TECRL: variants seen among roughly 807,000 people sequenced by gnomAD.
TECRL encodes the protein trans-2,3-enoyl-CoA reductase-like.
In TECRL, 63 loss-of-function variants were observed where a neutral mutation model predicts 52.8. The observed-to-expected ratio is 1.19, with a 90% CI of 0.97 to 1.47. The LOEUF (loss-of-function observed/expected upper bound fraction) is 1.47, where lower values mean the gene tolerates loss of function less well. Among genes scored for constraint, TECRL ranks in the 40% most tolerant of loss-of-function variants. The pLI is 0.00. For synonymous variants in TECRL, 164 were observed against 141.9 expected (o/e 1.16, Z -1.10); for missense variants, 482 against 429.6 (o/e 1.12, Z -1.08).
intron 7 of TECRL, among the ~76,000 whole-genome samples, chr4:64,300,808 A>G (rs926731980): frequency 1.3e-5 from 2 of 151,004 alleles, no homozygotes; most frequent in African/African-American, 2.4e-5. Context: ...AAGATTTCTC[A>G]ATAGTATTAA....
At position 64,278,519 on chromosome 4, in the gene TECRL, A is replaced by G. The variant is rs1305995688; in HGVS notation, c.*1553T>C. 1 of 203,500 alleles carries G rather than the reference A, an allele frequency of 4.9e-6. No homozygotes were observed. The highest frequency in any genetic ancestry group is 8.7e-6 in the Non-Finnish European group (1 of 115,168). 12.6% of individuals were successfully genotyped at this position (203,500 alleles called of 1,614,324 possible). On this transcript the variant is annotated 3_prime_UTR_variant, in exon 12 of 12. Transcript: ENST00000381210. ...TAAGAATTGAACATATTTGGGAGAT[A>G]CATAATAATGTTTCAATACATATAA...
intron 8 of TECRL, among the ~76,000 whole-genome samples, chr4:64,295,650 A>AT (rs1308499644): frequency 3.3e-5 from 5 of 151,886 alleles, no homozygotes; most frequent in East Asian, 1.9e-4. Context: ...AACATTCATG[A>AT]TTTTTTCACA....
intron 1 of TECRL, among the ~76,000 whole-genome samples, chr4:64,375,665 C>A (rs1009830173): frequency 2.0e-5 from 3 of 151,642 alleles, no homozygotes; most frequent in Non-Finnish European, 4.4e-5. Context: ...TTTTATGAGA[C>A]AAAAGTCACC....
At chr4:64,319,912 G>A (rs541041532) in intron 4 of TECRL, among the ~76,000 whole-genome samples, 2 of 151,844 alleles carry the variant, frequency 1.3e-5, no homozygotes, top group Admixed American at 6.6e-5. Context: ...TGGAGATGAA[G>A]AACACATCAG....
intron 1 of TECRL, among the ~76,000 whole-genome samples, chr4:64,403,475 G>GCGCACGCA (rs59253067): frequency 1.3e-5 from 2 of 148,238 alleles, no homozygotes; most frequent in East Asian, 4.0e-4. Context: ...CTCCCTGAGC[G>GCGCACGCA]CACACACACA....
chr4:64,393,462 G>T (rs6818145), intron 1 of TECRL, among the ~76,000 whole-genome samples: 2,424 of 152,022 alleles, frequency 0.016, 77 homozygotes, highest in African/African-American at 0.055. Context: ...TGTTCGAATG[G>T]AAAAGTTACT....
chr4:64,281,122 A>G, intron 10 of TECRL, 36 bp from the exon 11 acceptor site: 1 of 1,534,326 alleles, frequency 6.5e-7, no homozygotes, highest in Non-Finnish European at 8.9e-7. Flanking sequence ...ACATACATAA[A>G]TGGAATCTAG....
intron 4 of TECRL, among the ~76,000 whole-genome samples, chr4:64,320,710 T>C: frequency 6.6e-6 from 1 of 152,094 alleles, no homozygotes; most frequent in East Asian, 1.9e-4. Context: ...AGTTCCCTTT[T>C]CGTTGTAAAT....
chr4:64,374,282 G>A (rs1047561124), intron 2 of TECRL, among the ~76,000 whole-genome samples: 4 of 150,536 alleles, frequency 2.7e-5, no homozygotes, highest in Non-Finnish European at 5.9e-5. Context: ...TAAATAGATT[G>A]TACTCAAATG....
Position 64,392,194 on chromosome 4 carries a change from C to T in TECRL, c.234+16924G>A, listed in dbSNP as rs143134129. Among the ~76,000 whole-genome samples, 494 of 151,934 alleles carry T rather than the reference C, an allele frequency of 3.3e-3. 2 individuals carry two copies. Among genetic ancestry groups the T allele is most frequent in the African/African-American group, 0.011 (471 of 41,526 alleles). ...AAATTAGGTTAGGTTCTTCCAGCTT[C>T]GGTCTGGTGATAAATGTATGCATTC... On this transcript the variant is annotated intron_variant, in intron 1 of 11. Coordinates refer to ENST00000381210, the MANE Select transcript of TECRL (RefSeq NM_001010874.5).
At chr4:64,383,142 G>C (rs1304745222) in intron 1 of TECRL, among the ~76,000 whole-genome samples, 1 of 152,062 alleles carries the variant, frequency 6.6e-6, no homozygotes, top group Admixed American at 6.6e-5. Flanking sequence ...TTAGCTGTTT[G>C]ATGAAGATTC....
intron 2 of TECRL, among the ~76,000 whole-genome samples, chr4:64,354,969 T>C (rs1223934011): frequency 6.6e-6 from 1 of 152,136 alleles, no homozygotes; most frequent in Admixed American, 6.5e-5. Context: ...AACCATGATA[T>C]GGATAAGTGA....
intron 7 of TECRL, among the ~76,000 whole-genome samples, chr4:64,303,617 A>G (rs1724146896): frequency 6.6e-6 from 1 of 151,838 alleles, no homozygotes; most frequent in South Asian, 2.1e-4. Flanking sequence ...CAAACAGTAT[A>G]ATTTTCATGA....
chr4:64,325,061 C>G (rs1271294097), intron 3 of TECRL, among the ~76,000 whole-genome samples: 1 of 152,080 alleles, frequency 6.6e-6, no homozygotes, highest in South Asian at 2.1e-4. Flanking sequence ...TTCAGAGATC[C>G]AGTGCATTGG....
At chr4:64,298,877 T>C (rs1723842148) in intron 8 of TECRL, 1 of 151,210 alleles carries the variant, frequency 6.6e-6, no homozygotes, top group South Asian at 2.1e-4. Context: ...AGAACATTAG[T>C]CTTAATACAA....
At chr4:64,343,916 T>TAGAATGAAAG (rs1378529683) in intron 2 of TECRL, among the ~76,000 whole-genome samples, 9 of 152,050 alleles carry the variant, frequency 5.9e-5, no homozygotes, top group African/African-American at 2.2e-4. Flanking sequence ...TCATTTGTAA[T>TAGAATGAAAG]CTATAGAAAG....
At chr4:64,371,693 G>A (rs192692300) in intron 2 of TECRL, among the ~76,000 whole-genome samples, 20 of 151,618 alleles carry the variant, frequency 1.3e-4, no homozygotes, top group African/African-American at 3.9e-4. Context: ...TCTCATTCCT[G>A]CTCCAGCTAG....
intron 2 of TECRL, among the ~76,000 whole-genome samples, chr4:64,373,587 C>T (rs547832309): frequency 4.3e-4 from 66 of 151,938 alleles, no homozygotes; most frequent in African/African-American, 1.5e-3. Flanking sequence ...GTCAGGGTGA[C>T]TGCACATTCT....
chr4:64,314,658 G>C lies in TECRL; in HGVS notation c.541C>G (p.Pro181Ala). ...GKESARRLRH[P>A]VVHLACFCHC... ...GTGTGTATCACTTACTGTACCACTGGGTGGCGTAATCTTCTAGCACTCTCT... is the reference window on the plus strand; with the variant it reads ...GTGTGTATCACTTACTGTACCACTGCGTGGCGTAATCTTCTAGCACTCTCT... The change falls in exon 5 of 12, where the codon CCA becomes GCA. Residue 181 changes from proline (P) to alanine (A), a missense_variant. Pro to Ala is a conservative substitution (Grantham distance 27, BLOSUM62 -1). Transcript: ENST00000381210. 2 of 1,521,990 alleles carry C rather than the reference G, an allele frequency of 1.3e-6. No homozygotes were observed. The highest frequency in any genetic ancestry group is 2.2e-5 in the South Asian group (2 of 89,332). 94.3% of individuals were successfully genotyped at this position (1,521,990 alleles called of 1,614,324 possible). A position where few individuals can be genotyped will look rare whatever the true frequency, so the allele number is the denominator to read the frequency against.
Sources: allele counts gnomAD v4.1 joint callset (sites outside exome capture counted in the v4.1 genomes callset), GRCh38; gene constraint gnomAD v4.1.1; transcripts MANE v1.5; gene names NCBI Gene and HGNC (gene_info 2026-07-23, HGNC 2026-07-21).